TEX46: variants seen among roughly 807,000 people sequenced by gnomAD.
The protein encoded by TEX46 is testis-expressed protein 46.
TEX46 carries 6 observed loss-of-function variants against 5.3 expected under a neutral mutation model. The ratio of observed to expected loss-of-function variants is 1.13; its 90% CI spans 0.62 to 2.23. The LOEUF is 2.23. Ranked by LOEUF, TEX46 falls within the 30% of genes most tolerant of loss-of-function variation. The pLI, the probability that TEX46 is intolerant of heterozygous loss-of-function variation, is 0.00. For missense variants in TEX46, 131 were observed against 150.9 expected (o/e 0.87, Z 0.69); for synonymous variants, 41 against 54.6 (o/e 0.75, Z 1.10).
intron 1 of TEX46, 26 bp downstream of exon 1, chr1:23,015,746 A>C (rs1396436944): frequency 1.4e-6 from 1 of 698,858 alleles, no homozygotes; most frequent in South Asian, 1.5e-5. Context: ...ACAAAAAAAA[A>C]ACAAATACCG....
At chr1:23,012,622 C>T (rs1196603131) in intron 2 of TEX46, among the ~76,000 whole-genome samples, 4 of 152,116 alleles carry the variant, frequency 2.6e-5, no homozygotes, top group African/African-American at 9.7e-5. Flanking sequence ...TCTGCCTTCC[C>T]CAGGGGACAT....
chr1:23,014,349 C>CA (rs1390514331), intron 1 of TEX46, among the ~76,000 whole-genome samples: 6 of 151,524 alleles, frequency 4.0e-5, no homozygotes, highest in African/African-American at 7.3e-5. Flanking sequence ...TCGCTACTAG[C>CA]AAAAAAAATG....
intron 2 of TEX46, among the ~76,000 whole-genome samples, chr1:23,012,301 G>A (rs548596455): frequency 6.6e-6 from 1 of 151,626 alleles, no homozygotes; most frequent in East Asian, 1.9e-4. Context: ...CCATGGTTGT[G>A]CCACTGCATC....
At chr1:23,015,044 T>G (rs1244151923) in intron 1 of TEX46, among the ~76,000 whole-genome samples, 1 of 151,430 alleles carries the variant, frequency 6.6e-6, no homozygotes, top group Non-Finnish European at 1.5e-5. Context: ...GGTTTCACCA[T>G]GTTGGTCAGG....
intron 2 of TEX46, chr1:23,011,304 T>A (rs1319324643): frequency 3.8e-6 from 2 of 524,458 alleles, no homozygotes; most frequent in South Asian, 6.3e-5. Flanking sequence ...ACAAACATTA[T>A]CTTAACAGAG....
In TEX46 at chr1:23,010,893, C is replaced by T. The variant is rs1475713289; in HGVS notation, c.*8G>A. Reference sequence around the variant, plus strand: ...AACATCGGCAGAGGCCAGCCCGCCTCGGCCTCATTAGCTGGGGGAACTCGA... The same window carrying T: ...AACATCGGCAGAGGCCAGCCCGCCTTGGCCTCATTAGCTGGGGGAACTCGA... On this transcript the variant is annotated 3_prime_UTR_variant, in exon 3 of 3. Coordinates refer to ENST00000566855, the MANE Select transcript of TEX46 (RefSeq NM_001242521.2). 7.9e-6 allele frequency: 12 copies of T among 1,522,792 alleles called. No individual in the cohort carries two copies. Among genetic ancestry groups the T allele is most frequent in the African/African-American group, 2.7e-5 (2 of 72,846 alleles). The allele number at this position is 1,522,792 out of a possible 1,614,324, so 94.3% of individuals were successfully genotyped here. A position where few individuals can be genotyped will look rare whatever the true frequency, so the allele number is the denominator to read the frequency against.
chr1:23,011,248 G>T (rs2124287847), intron 2 of TEX46, 147 bp from the exon 3 acceptor site: 1 of 616,320 alleles, frequency 1.6e-6, no homozygotes, highest in Non-Finnish European at 2.9e-6. Context: ...GGTTAATAAT[G>T]ATAATCCCTT....
chr1:23,014,149 C>T, intron 1 of TEX46, 104 bp from the exon 2 acceptor site: 1 of 1,440,632 alleles, frequency 6.9e-7, no homozygotes, highest in Non-Finnish European at 9.1e-7. Flanking sequence ...CCACCCACTC[C>T]TCTGAGTCAT....
chr1:23,013,841 C>T (rs1641384214), intron 2 of TEX46, 42 bp downstream of exon 2: 3 of 1,521,844 alleles, frequency 2.0e-6, no homozygotes, highest in Non-Finnish European at 2.6e-6. Context: ...CTGCAAATAT[C>T]CCCTATCCCT....
chr1:23,011,279 T>C (rs1641348979), intron 2 of TEX46, 178 bp from the exon 3 acceptor site: 2 of 567,646 alleles, frequency 3.5e-6, no homozygotes. Context: ...ACACCTGCTC[T>C]GTGCCAGGTG....
At chr1:23,015,674 T>C in intron 1 of TEX46, 98 bp downstream of exon 1, 1 of 651,672 alleles carries the variant, frequency 1.5e-6, no homozygotes, top group South Asian at 1.7e-5. Flanking sequence ...AGGAAGGAAA[T>C]TCTAACATGT....
At chr1:23,011,809 C>T (rs1478135579) in intron 2 of TEX46, among the ~76,000 whole-genome samples, 1 of 152,168 alleles carries the variant, frequency 6.6e-6, no homozygotes, top group Non-Finnish European at 1.5e-5. Flanking sequence ...CATGAGATGG[C>T]CCGCTAATCT....
intron 2 of TEX46, among the ~76,000 whole-genome samples, chr1:23,012,144 G>A (rs1400568449): frequency 6.6e-6 from 1 of 152,068 alleles, no homozygotes; most frequent in African/African-American, 2.4e-5. Context: ...GAGCCCAGGA[G>A]TTTGAAACCA....
chr1:23,011,328 T>C, intron 2 of TEX46: 2 of 460,968 alleles, frequency 4.3e-6, no homozygotes, highest in Non-Finnish European at 7.7e-6. Context: ...CACAACTGCC[T>C]GCAAGGGGAG....
At chr1:23,015,011 T>A (rs1641399559) in intron 1 of TEX46, among the ~76,000 whole-genome samples, 1 of 151,746 alleles carries the variant, frequency 6.6e-6, no homozygotes, top group South Asian at 2.1e-4. Flanking sequence ...CCCACCTAAT[T>A]TTTGTATTTT....
intron 1 of TEX46, 85 bp downstream of exon 1, chr1:23,015,686 AC>A: frequency 1.5e-6 from 1 of 666,680 alleles, no homozygotes; most frequent in Non-Finnish European, 2.7e-6. Flanking sequence ...CTAACATGTT[AC>A]AACATAGATG....
At chr1:23,015,097 C>T (rs376845818) in intron 1 of TEX46, among the ~76,000 whole-genome samples, 10 of 152,080 alleles carry the variant, frequency 6.6e-5, no homozygotes, top group East Asian at 5.9e-4. Context: ...CCCACCTCGG[C>T]CTCCCAAAGT....
At chr1:23,011,937 C>T (rs2124288888) in intron 2 of TEX46, among the ~76,000 whole-genome samples, 1 of 152,320 alleles carries the variant, frequency 6.6e-6, no homozygotes, top group East Asian at 1.9e-4. Flanking sequence ...ACTGCGAAGT[C>T]TCAATGGTCT....
At position 23,014,037 on chromosome 1, in the gene TEX46, T is replaced by C. The variant is rs1433044237; in HGVS notation, c.11A>G (p.His4Arg). MSL[H>R]GILASAGTIG... The stretch of plus-strand genomic sequence containing the variant: ...GGTGCCTGCGGAGGCAAGTATCCCA[T>C]GGAGACTCCTAAAGAGAAATATCAG... The change falls in exon 2 of 3, where the codon CAT becomes CGT. Residue 4 changes from histidine to arginine, a missense_variant. Coordinates refer to ENST00000566855, the MANE Select transcript of TEX46 (RefSeq NM_001242521.2). 2.0e-6 allele frequency: 3 copies of C among 1,535,936 alleles called. No individual in the cohort carries two copies. The highest frequency in any genetic ancestry group is 2.4e-5 in the East Asian group (1 of 40,916).
Sources: gnomAD v4.1 joint callset for allele counts (sites outside exome capture counted in the v4.1 genomes callset) on GRCh38, gnomAD v4.1.1 for gene constraint, MANE v1.5 for transcripts, NCBI Gene and HGNC (gene_info 2026-07-23, HGNC 2026-07-21) for gene names.